The following ZNF521 variants were observed in gnomAD, a reference collection of about 807,000 sequenced individuals.
The protein encoded by ZNF521 is zinc finger protein 521.
In ZNF521, 14 loss-of-function variants were observed where a neutral mutation model predicts 105.5. The observed-to-expected ratio is 0.13, with a 90% confidence interval of 0.09 to 0.21. The LOEUF is 0.21. ZNF521 is among the 10% of genes least tolerant of loss of function. ZNF521 has a pLI of 1.00. For missense variants in ZNF521, 1,233 were observed against 1,629.7 expected (o/e 0.76, Z 4.19); for synonymous variants, 635 against 606.0 (o/e 1.05, Z -0.70).
chr18:25,224,775 T>C lies in ZNF521; in HGVS notation c.3143A>G (p.Asn1048Ser). The change falls in exon 4 of 8, where the codon AAT (asparagine) becomes AGT (serine). Residue 1048 changes from asparagine (N) to serine (S), a missense_variant. By Grantham distance (46) the Asn-to-Ser change is conservative. This residue lies in a region of ZNF521 where 614 missense variants were observed against 751.5 expected (regional missense o/e 0.82). Coordinates refer to ENST00000361524, the MANE Select transcript of ZNF521 (RefSeq NM_015461.3). ...HGTFHMQKTG[N>S]GSAVQTTGRG... is the part of the protein sequence containing the mutation. ...CCCTGTGGTCTGAACTGCAGACCCA[T>C]TCCCTGTCTTTTGCATGTGGAACGT... 1 of 1,614,034 alleles carries C rather than the reference T, an allele frequency of 6.2e-7. No individual in the cohort carries two copies. Among genetic ancestry groups the C allele is most frequent in the South Asian group, 1.1e-5 (1 of 91,080 alleles).
intron 3 of ZNF521, among the ~76,000 whole-genome samples, chr18:25,268,804 G>A (rs1003680153): frequency 6.6e-5 from 10 of 152,142 alleles, no homozygotes; most frequent in East Asian, 5.8e-4. Flanking sequence ...AGAAACAACC[G>A]GTACCAGCCA....
At chr18:25,276,667 T>G (rs778337227) in intron 3 of ZNF521, among the ~76,000 whole-genome samples, 3 of 152,200 alleles carry the variant, frequency 2.0e-5, no homozygotes, top group Non-Finnish European at 4.4e-5. Flanking sequence ...TGACCTGTAC[T>G]TTAAGACACA....
chr18:25,224,146 AC>A, intron 4 of ZNF521, 198 bp downstream of exon 4: 1 of 594,234 alleles, frequency 1.7e-6, no homozygotes, highest in African/African-American at 1.9e-5. Context: ...CCTATTTTGC[AC>A]CATTCAAGCC....
At position 25,325,943 on chromosome 18, in the gene ZNF521, C is replaced by T. The variant is rs56817229; in HGVS notation, c.41-3756G>A. ...CTCCTGTTCATAAGAATTGTTATTG[C>T]TATAACTTGCTTTAATAAAATTACA... On this transcript the variant is annotated intron_variant, in intron 2 of 7. Transcript: ENST00000361524. Among the ~76,000 whole-genome samples, 310 of 152,220 alleles carry T rather than the reference C, an allele frequency of 2.0e-3. 1 individual carries two copies. The highest frequency in any genetic ancestry group is 7.1e-3 in the African/African-American group (294 of 41,548).
At chr18:25,221,025 G>C (rs763760750) in intron 4 of ZNF521, among the ~76,000 whole-genome samples, 2 of 152,150 alleles carry the variant, frequency 1.3e-5, no homozygotes, top group Non-Finnish European at 2.9e-5. Context: ...TTTATTGTAG[G>C]TTATGTGTAA....
intron 5 of ZNF521, among the ~76,000 whole-genome samples, chr18:25,115,980 A>C (rs2034293151): frequency 6.6e-6 from 1 of 152,212 alleles, no homozygotes; most frequent in South Asian, 2.1e-4. Context: ...ATTAATAGAG[A>C]TAAGCACTTA....
At position 25,324,551 on chromosome 18, in the gene ZNF521, G is replaced by A. The variant is rs1256021736; in HGVS notation, c.41-2364C>T. Among the ~76,000 whole-genome samples, 4 of 152,144 alleles carry A rather than the reference G, an allele frequency of 2.6e-5. No homozygotes were observed. In the East Asian group the frequency reaches 5.8e-4, roughly 22 times the overall value. On this transcript the variant is annotated intron_variant, in intron 2 of 7. Coordinates refer to ENST00000361524, the MANE Select transcript of ZNF521 (RefSeq NM_015461.3). ...CACACCATTAAAACACTTATTGGAA[G>A]GCAGTATGCACTCATGAATACTCTT...
At chr18:25,234,103 A>G (rs1906718220) in intron 3 of ZNF521, among the ~76,000 whole-genome samples, 1 of 151,718 alleles carries the variant, frequency 6.6e-6, no homozygotes. Context: ...AGTGGTTTCC[A>G]ATTATGTGGG....
intron 5 of ZNF521, among the ~76,000 whole-genome samples, chr18:25,155,025 T>C (rs549233878): frequency 1.3e-5 from 2 of 152,200 alleles, no homozygotes; most frequent in South Asian, 4.1e-4. Flanking sequence ...AAGGGTTTCC[T>C]TTTCTCCATA....
intron 4 of ZNF521, among the ~76,000 whole-genome samples, chr18:25,217,379 T>G (rs1248562995): frequency 2.0e-5 from 3 of 152,168 alleles, no homozygotes; most frequent in African/African-American, 7.2e-5. Flanking sequence ...CAGCATTCAT[T>G]GATGGATTAA....
Position 25,224,927 on chromosome 18 carries a change from G to C in ZNF521, c.2991C>G (p.Leu997=). The C allele has an allele frequency of 6.2e-7, 1 of 1,613,924 alleles. No homozygotes were observed. Among genetic ancestry groups the C allele is most frequent in the Non-Finnish European group, 8.5e-7 (1 of 1,180,026 alleles). The change falls in exon 4 of 8, where the codon CTC becomes CTG. Residue 997 remains leucine (L), a synonymous_variant. Coordinates refer to ENST00000361524, the MANE Select transcript of ZNF521 (RefSeq NM_015461.3). ...GCTCTAAAAACTCCTCTTCACTCTG[G>C]AGAGGCATCTTGCAAATCCGGCAGT... ...TGNCRICKMP[L]QSEEEFLEHC... is the part of the protein sequence containing the mutation.
chr18:25,229,724 A>G (rs950133691), intron 3 of ZNF521, among the ~76,000 whole-genome samples: 9 of 152,198 alleles, frequency 5.9e-5, no homozygotes, highest in Admixed American at 1.3e-4. Context: ...CACATTTCAC[A>G]TTTATCTTTT....
intron 3 of ZNF521, among the ~76,000 whole-genome samples, chr18:25,308,193 CAAAAAAAAA>C (rs756580169): frequency 1.9e-3 from 60 of 31,098 alleles, no homozygotes; most frequent in African/African-American, 8.3e-3. Context: ...GACTGCATCT[CAAAAAAAAA>C]AAAAAAAAAA....
intron 5 of ZNF521, among the ~76,000 whole-genome samples, chr18:25,148,885 C>T (rs1300418107): frequency 6.6e-6 from 1 of 152,138 alleles, no homozygotes; most frequent in African/African-American, 2.4e-5. Context: ...TAGCTTGGTG[C>T]TATAAATATA....
intron 3 of ZNF521, among the ~76,000 whole-genome samples, chr18:25,297,994 T>C (rs976876569): frequency 1.3e-5 from 2 of 152,186 alleles, no homozygotes; most frequent in East Asian, 1.9e-4. Flanking sequence ...CTGGGGACTC[T>C]CTATGTACCA....
rs67059898 is a variant in ZNF521, at chr18:25,319,595, C to CA, written c.220+2412dup. Among the ~76,000 whole-genome samples, 269 of 114,464 alleles carry CA rather than the reference C, an allele frequency of 2.4e-3. 1 individual carries two copies. The highest frequency in any genetic ancestry group is 6.8e-3 in the African/African-American group (187 of 27,500). The allele number at this position is 114,464 out of a possible 152,430, so 75.1% of individuals were successfully genotyped here. On this transcript the variant is annotated intron_variant, in intron 3 of 7. Transcript: ENST00000361524. The stretch of plus-strand genomic sequence containing the variant: ...TGGGCAACAGAGCAAGACTCCATCA[C>CA]AAAAAAAAAAAAAAGAAAGAAACAG...
At chr18:25,115,716 G>A (rs1230352276) in intron 5 of ZNF521, among the ~76,000 whole-genome samples, 2 of 152,210 alleles carry the variant, frequency 1.3e-5, no homozygotes, top group African/African-American at 4.8e-5. Flanking sequence ...AGAAAACAGA[G>A]TTACTAAATT....
chr18:25,098,453 T>TA (rs567327299), intron 5 of ZNF521, among the ~76,000 whole-genome samples: 10 of 151,098 alleles, frequency 6.6e-5, no homozygotes, highest in African/African-American at 9.7e-5. Flanking sequence ...TTTTTTTTAT[T>TA]AAAAAAAAAC....
intron 3 of ZNF521, among the ~76,000 whole-genome samples, chr18:25,256,479 C>T (rs551344349): frequency 6.6e-6 from 1 of 152,122 alleles, no homozygotes; most frequent in South Asian, 2.1e-4. Context: ...GCATAAATGC[C>T]TTAAAAGAAG....
Sources: allele counts gnomAD v4.1 joint callset (sites outside exome capture counted in the v4.1 genomes callset), GRCh38; gene constraint gnomAD v4.1.1; regional missense constraint gnomAD v4.1.1; transcripts MANE v1.5; gene names NCBI Gene and HGNC (gene_info 2026-07-23, HGNC 2026-07-21).